The following RANBP2 variants were observed in gnomAD, a reference collection of about 807,000 sequenced individuals.
The protein encoded by RANBP2 is E3 SUMO-protein ligase RanBP2.
In RANBP2, 57 loss-of-function variants were observed where a neutral mutation model predicts 303.6. That is an observed-to-expected ratio of 0.19 (90% CI 0.15 to 0.23). RANBP2 has a LOEUF of 0.23. Among genes scored for constraint, RANBP2 ranks in the 10% least tolerant of loss-of-function variants. The probability of loss-of-function intolerance (pLI) is 1.00; values close to 1 mark genes in which losing one functional copy is unlikely to be tolerated. For missense variants in RANBP2, 3,138 were observed against 3,780.8 expected (o/e 0.83, Z 4.46); for synonymous variants, 1,167 against 1,301.5 (o/e 0.90, Z 2.23).
At chr2:109,201,046 G>A in the RANBP2 span, among the ~76,000 whole-genome samples, 1 of 152,184 alleles carries the variant, frequency 6.6e-6, no homozygotes, top group East Asian at 1.9e-4. Context: ...GACCCTGTGA[G>A]CTGGAGCTCC....
At chr2:109,724,882 C>T in the RANBP2 span, among the ~76,000 whole-genome samples, 5 of 152,102 alleles carry the variant, frequency 3.3e-5, no homozygotes, top group Admixed American at 6.5e-5. Flanking sequence ...CAGGGGCAGT[C>T]GGGTCTGGGC....
At chr2:109,628,075 G>A in the RANBP2 span, among the ~76,000 whole-genome samples, 1 of 152,146 alleles carries the variant, frequency 6.6e-6, no homozygotes, top group Non-Finnish European at 1.5e-5. Context: ...TAACAGTGGT[G>A]GCTGCTCCTG....
chr2:108,865,050 C>G, the RANBP2 span, among the ~76,000 whole-genome samples: 3 of 152,088 alleles, frequency 2.0e-5, no homozygotes, highest in East Asian at 5.8e-4. Context: ...GTTTCCCTCC[C>G]TGGAGGGAAC....
At chr2:109,181,610 C>T in the RANBP2 span, among the ~76,000 whole-genome samples, 1 of 152,148 alleles carries the variant, frequency 6.6e-6, no homozygotes, top group Non-Finnish European at 1.5e-5. Context: ...TTTTACCTTC[C>T]CCTCCAGCAT....
At chr2:108,876,150 C>T in the RANBP2 span, 1 of 1,611,258 alleles carries the variant, frequency 6.2e-7, no homozygotes, top group Non-Finnish European at 8.5e-7. Flanking sequence ...ATACAAAGGA[C>T]AACAAACCCA....
chr2:108,826,064 T>C, the RANBP2 span, among the ~76,000 whole-genome samples: 3 of 152,232 alleles, frequency 2.0e-5, no homozygotes, highest in African/African-American at 4.8e-5. Context: ...TATTGGTAAG[T>C]GTCTACTTAA....
At chr2:109,109,618 AAT>A in the RANBP2 span, among the ~76,000 whole-genome samples, 2 of 152,218 alleles carry the variant, frequency 1.3e-5, no homozygotes, top group African/African-American at 4.8e-5. Context: ...GATTAATAAA[AAT>A]ATGTTTTCTA....
At chr2:108,886,330 C>T in the RANBP2 span, among the ~76,000 whole-genome samples, 1 of 152,040 alleles carries the variant, frequency 6.6e-6, no homozygotes, top group Non-Finnish European at 1.5e-5. Context: ...TTTTGATTTT[C>T]ATTCTGATGT....
the RANBP2 span, among the ~76,000 whole-genome samples, chr2:109,446,158 G>A: frequency 2.0e-5 from 3 of 152,114 alleles, no homozygotes; most frequent in African/African-American, 7.2e-5. Context: ...CCAGAGATGA[G>A]CACACTCTTC....
At chr2:109,003,383 C>T in the RANBP2 span, among the ~76,000 whole-genome samples, 15 of 151,888 alleles carry the variant, frequency 9.9e-5, no homozygotes, top group East Asian at 7.8e-4. Context: ...GAATGATGGA[C>T]GGTTGTTGCC....
At chr2:109,250,090 C>CTTTTT in the RANBP2 span, among the ~76,000 whole-genome samples, 149 of 134,924 alleles carry the variant, frequency 1.1e-3, 2 homozygotes, top group African/African-American at 3.2e-3. Flanking sequence ...GTAGGTGTTC[C>CTTTTT]TTTTTTTTTT....
At chr2:109,003,872 G>C in the RANBP2 span, among the ~76,000 whole-genome samples, 1 of 152,192 alleles carries the variant, frequency 6.6e-6, no homozygotes, top group Non-Finnish European at 1.5e-5. Flanking sequence ...CACCAGCAGA[G>C]TTGTTTGTTT....
the RANBP2 span, among the ~76,000 whole-genome samples, chr2:109,410,841 C>A: frequency 7.8e-6 from 1 of 128,638 alleles, no homozygotes; most frequent in Non-Finnish European, 1.7e-5. Context: ...GCTTTGAAGT[C>A]GGAGCAGAGA....
chr2:109,283,898 G>A, the RANBP2 span, among the ~76,000 whole-genome samples: 7 of 152,150 alleles, frequency 4.6e-5, no homozygotes, highest in African/African-American at 1.2e-4. Context: ...CTGGTGAAGC[G>A]CTTATCAAAT....
the RANBP2 span, among the ~76,000 whole-genome samples, chr2:109,551,632 T>C: frequency 6.6e-6 from 1 of 152,254 alleles, no homozygotes; most frequent in Admixed American, 6.5e-5. Flanking sequence ...CTTTCACTTT[T>C]CTGTTGTTTG....
the RANBP2 span, among the ~76,000 whole-genome samples, chr2:109,093,112 A>G: frequency 6.6e-6 from 1 of 152,232 alleles, no homozygotes; most frequent in Non-Finnish European, 1.5e-5. Flanking sequence ...TAGCCCTAAA[A>G]GTTATCTTGA....
the RANBP2 span, among the ~76,000 whole-genome samples, chr2:108,937,134 A>G: frequency 6.6e-6 from 1 of 152,388 alleles, no homozygotes; most frequent in Non-Finnish European, 1.5e-5. Context: ...GTGACTGGCA[A>G]CAGAGCACAC....
intron 20 of RANBP2, among the ~76,000 whole-genome samples, chr2:108,769,034 CAAA>C (rs397934184): frequency 9.3e-6 from 1 of 107,120 alleles, no homozygotes; most frequent in East Asian, 2.9e-4. Context: ...ACTTTGTCTC[CAAA>C]AAAAAAAAAA....
At chr2:108,940,071 A>T in the RANBP2 span, 16 of 152,282 alleles carry the variant, frequency 1.1e-4, no homozygotes, top group African/African-American at 3.6e-4. Context: ...CATCAATTTG[A>T]CTGAGACGAT....
Sources: allele counts gnomAD v4.1 joint callset (sites outside exome capture counted in the v4.1 genomes callset), GRCh38; gene constraint gnomAD v4.1.1; transcripts MANE v1.5; gene names NCBI Gene and HGNC (gene_info 2026-07-23, HGNC 2026-07-21).